PLCL2: variants seen among roughly 807,000 people sequenced by gnomAD.
The protein encoded by PLCL2 is inactive phospholipase C-like protein 2.
PLCL2 carries 4 observed loss-of-function variants against 79.6 expected under a neutral mutation model. The ratio of observed to expected loss-of-function variants is 0.05; its 90% confidence interval spans 0.02 to 0.11. The LOEUF (loss-of-function observed/expected upper bound fraction) is 0.11. PLCL2 is among the 10% of genes least tolerant of loss of function. The probability of loss-of-function intolerance (pLI) is 1.00; values close to 1 mark genes in which losing one functional copy is unlikely to be tolerated. For missense variants in PLCL2, 895 were observed against 1,291.0 expected (o/e 0.69, Z 4.70); for synonymous variants, 484 against 457.7 (o/e 1.06, Z -0.73).
In PLCL2 at chr3:17,090,142, T is replaced by C; in HGVS notation, c.*230T>C. Reference sequence around the variant, plus strand: ...ATTGCTGGCCAAAATATGCTATATTTGTATACAAAGACATTCTAACTCAGT... The same window carrying C: ...ATTGCTGGCCAAAATATGCTATATTCGTATACAAAGACATTCTAACTCAGT... On this transcript the variant is annotated 3_prime_UTR_variant, in exon 6 of 6. Coordinates refer to ENST00000615277, the MANE Select transcript of PLCL2 (RefSeq NM_001144382.2). 8.1e-7 allele frequency: 1 copy of C among 1,232,696 alleles called. No homozygotes were observed. The highest frequency in any genetic ancestry group is 3.3e-5 in the East Asian group (1 of 29,922). The allele number at this position is 1,232,696 out of a possible 1,614,324, so 76.4% of individuals were successfully genotyped here. A position where few individuals can be genotyped will look rare whatever the true frequency, so the allele number is the denominator to read the frequency against.
intron 1 of PLCL2, among the ~76,000 whole-genome samples, chr3:16,888,067 C>G (rs565061337): frequency 6.6e-6 from 1 of 152,236 alleles, no homozygotes; most frequent in African/African-American, 2.4e-5. Context: ...TCTCTCCTAG[C>G]TTTCATCTTC....
intron 1 of PLCL2, among the ~76,000 whole-genome samples, chr3:16,958,920 C>T (rs952582734): frequency 2.0e-5 from 3 of 152,288 alleles, no homozygotes; most frequent in South Asian, 2.1e-4. Context: ...CCCCCTAACT[C>T]GAGTCCCTCT....
chr3:16,929,124 CG>C (rs1559488541), intron 1 of PLCL2, among the ~76,000 whole-genome samples: 1,173 of 4,708 alleles, frequency 0.25, 17 homozygotes, highest in South Asian at 0.3. Flanking sequence ...AGGATACCTG[CG>C]CAGAAATGAT....
intron 1 of PLCL2, among the ~76,000 whole-genome samples, chr3:16,976,308 A>G (rs2063925520): frequency 6.6e-6 from 1 of 152,146 alleles, no homozygotes; most frequent in African/African-American, 2.4e-5. Flanking sequence ...GGCATCTCCA[A>G]AATCTGTAGG....
intron 1 of PLCL2, among the ~76,000 whole-genome samples, chr3:16,966,955 GT>G (rs1249276247): frequency 6.6e-6 from 1 of 151,954 alleles, no homozygotes; most frequent in Non-Finnish European, 1.5e-5. Context: ...CCTGGTGCCT[GT>G]TCTTCCCTTC....
chr3:17,030,424 A>G (rs2064568209), intron 3 of PLCL2, among the ~76,000 whole-genome samples: 1 of 152,194 alleles, frequency 6.6e-6, no homozygotes, highest in Non-Finnish European at 1.5e-5. Context: ...TTATTTTAAC[A>G]TCACTCCATA....
chr3:17,052,864 T>G (rs1358614977), intron 4 of PLCL2, among the ~76,000 whole-genome samples: 1 of 152,222 alleles, frequency 6.6e-6, no homozygotes, highest in Admixed American at 6.5e-5. Flanking sequence ...TGTAAGAATA[T>G]AGTACATAAT....
chr3:16,885,161 G>C lies in PLCL2; in HGVS notation c.122G>C (p.Arg41Pro). 1.9e-6 allele frequency: 1 copy of C among 525,362 alleles called. No individual in the cohort carries two copies. Among genetic ancestry groups the C allele is most frequent in the Non-Finnish European group, 3.4e-6 (1 of 294,572 alleles). 32.5% of individuals were successfully genotyped at this position (525,362 alleles called of 1,614,324 possible). A position where few individuals can be genotyped will look rare whatever the true frequency, so the allele number is the denominator to read the frequency against. Residue 41 changes from arginine (R) to proline (P), a missense_variant, in exon 1 of 6, where the codon CGC (arginine) becomes CCC (proline). Transcript: ENST00000615277. ...GGGGAAGGCGGTGGCGGGGGAGGTC[G>C]CCTCGGCCACGGGCGGGCGCGCTAT... is the stretch of plus-strand genomic sequence containing the variant. ...GVGEGGGGGG[R>P]LGHGRARYDS...
At chr3:17,020,976 A>G (rs2064444523) in intron 3 of PLCL2, among the ~76,000 whole-genome samples, 1 of 152,190 alleles carries the variant, frequency 6.6e-6, no homozygotes, top group African/African-American at 2.4e-5. Context: ...GGACCAAGCC[A>G]GAGATGATCT....
At chr3:16,934,641 C>T (rs1003150084) in intron 1 of PLCL2, among the ~76,000 whole-genome samples, 1 of 152,092 alleles carries the variant, frequency 6.6e-6, no homozygotes, top group Non-Finnish European at 1.5e-5. Context: ...ATCCTGCCTG[C>T]CAGGTGGAGA....
chr3:16,966,412 C>T (rs923567416), intron 1 of PLCL2, among the ~76,000 whole-genome samples: 6 of 151,982 alleles, frequency 3.9e-5, no homozygotes, highest in South Asian at 2.1e-4. Context: ...TTGCTGGATT[C>T]GGTTTGCCAG....
At chr3:16,946,719 A>T (rs146930909) in intron 1 of PLCL2, among the ~76,000 whole-genome samples, 200 of 152,180 alleles carry the variant, frequency 1.3e-3, no homozygotes, top group African/African-American at 4.6e-3. Flanking sequence ...CTATAAATGG[A>T]ATATGGTGTG....
At chr3:16,920,685 A>G (rs1355064659) in intron 1 of PLCL2, among the ~76,000 whole-genome samples, 1 of 152,156 alleles carries the variant, frequency 6.6e-6, no homozygotes, top group Non-Finnish European at 1.5e-5. Flanking sequence ...TGGTGTTTTA[A>G]TTCATTTTAA....
chr3:17,082,882 A>T (rs968471473), intron 5 of PLCL2, among the ~76,000 whole-genome samples: 3 of 152,218 alleles, frequency 2.0e-5, no homozygotes, highest in African/African-American at 7.2e-5. Flanking sequence ...TGTAATATAT[A>T]TATAATGCCA....
At chr3:16,889,416 T>C (rs1696297465) in intron 1 of PLCL2, among the ~76,000 whole-genome samples, 2 of 152,200 alleles carry the variant, frequency 1.3e-5, no homozygotes, top group Admixed American at 1.3e-4. Context: ...AGGAAAAGAA[T>C]CTCTGTTTCT....
At chr3:16,916,757 A>G (rs1472605137) in intron 1 of PLCL2, among the ~76,000 whole-genome samples, 1 of 152,180 alleles carries the variant, frequency 6.6e-6, no homozygotes, top group African/African-American at 2.4e-5. Context: ...AACCATAAAT[A>G]TATTACAGAA....
At chr3:17,059,943 C>A (rs2064932318) in intron 4 of PLCL2, among the ~76,000 whole-genome samples, 1 of 152,100 alleles carries the variant, frequency 6.6e-6, no homozygotes, top group Admixed American at 6.6e-5. Flanking sequence ...TCATGCCAAA[C>A]TGTGGGAGAG....
At chr3:16,890,791 A>G (rs969716136) in intron 1 of PLCL2, among the ~76,000 whole-genome samples, 2 of 152,230 alleles carry the variant, frequency 1.3e-5, no homozygotes, top group African/African-American at 2.4e-5. Flanking sequence ...TGTGCTTAGC[A>G]TGAGTGTCGT....
chr3:17,063,503 G>A (rs2064976816), intron 4 of PLCL2, among the ~76,000 whole-genome samples: 1 of 150,936 alleles, frequency 6.6e-6, no homozygotes. Context: ...GTCTGTGGCT[G>A]GGCCCACCAC....
Sources: allele counts gnomAD v4.1 joint callset (sites outside exome capture counted in the v4.1 genomes callset), GRCh38; gene constraint gnomAD v4.1.1; transcripts MANE v1.5; gene names NCBI Gene and HGNC (gene_info 2026-07-23, HGNC 2026-07-21).